Variants in FLRT2 observed in about 807,000 individuals in gnomAD.
The protein encoded by FLRT2 is leucine-rich repeat transmembrane protein FLRT2.
A neutral mutation model predicts 40.0 loss-of-function variants in FLRT2; 15 were observed. The ratio of observed to expected loss-of-function variants is 0.38; its 90% CI spans 0.25 to 0.58. The LOEUF (loss-of-function observed/expected upper bound fraction) is 0.58. Among genes scored for constraint, FLRT2 ranks in the 20% least tolerant of loss-of-function variants. The pLI, the probability that FLRT2 is intolerant of heterozygous loss-of-function variation, is 0.71. For missense variants in FLRT2, 726 were observed against 840.0 expected (o/e 0.86, Z 1.68); for synonymous variants, 380 against 336.8 (o/e 1.13, Z -1.41).
chr14:85,599,219 C>CTT lies in FLRT2; in HGVS notation c.-376-21900_-376-21899dup, dbSNP rs67876387. 1.7e-3 allele frequency among the ~76,000 whole-genome samples: 224 copies of CTT among 129,288 alleles called. 3 individuals carry two copies. Among genetic ancestry groups the CTT allele is most frequent in the African/African-American group, 5.8e-3 (200 of 34,452 alleles). The allele number at this position is 129,288 out of a possible 152,430, so 84.8% of individuals were successfully genotyped here. ...ACAGGCGTGAGCCGCTGCGCCTGGC[C>CTT]TTTTTTTTTTTTTTTTTTTTTCAAG... On this transcript the variant is annotated intron_variant, in intron 1 of 1. Coordinates refer to ENST00000330753, the MANE Select transcript of FLRT2 (RefSeq NM_013231.6).
chr14:85,616,078 C>T, intron 1 of FLRT2, among the ~76,000 whole-genome samples: 1 of 152,246 alleles, frequency 6.6e-6, no homozygotes, highest in East Asian at 1.9e-4. Flanking sequence ...CCTGGAATAG[C>T]TGCTGGTTTT....
At chr14:85,537,613 C>G (rs1477788611) in intron 1 of FLRT2, among the ~76,000 whole-genome samples, 1 of 152,082 alleles carries the variant, frequency 6.6e-6, no homozygotes, top group East Asian at 1.9e-4. Flanking sequence ...CACACACACA[C>G]ACACAACACA....
intron 1 of FLRT2, among the ~76,000 whole-genome samples, chr14:85,577,768 A>G (rs116388644): frequency 6.6e-6 from 1 of 151,922 alleles, no homozygotes; most frequent in Non-Finnish European, 1.5e-5. Context: ...TTTTGTAGAC[A>G]TGGAGTCTCA....
chr14:85,596,854 G>A lies in FLRT2; in HGVS notation c.-376-24285G>A, dbSNP rs78502011. ...AATGAGAATACTGAGCTGGGAGAGA[G>A]CATATGGCCTTAACGATTTGATTCT... On this transcript the variant is annotated intron_variant, in intron 1 of 1. Transcript: ENST00000330753. Among the ~76,000 whole-genome samples, 246 of 152,234 alleles carry A rather than the reference G, an allele frequency of 1.6e-3. 2 individuals carry two copies. The highest frequency in any genetic ancestry group is 5.7e-3 in the African/African-American group (237 of 41,530).
chr14:85,567,558 A>C (rs1267629559), intron 1 of FLRT2, among the ~76,000 whole-genome samples: 1 of 150,334 alleles, frequency 6.7e-6, no homozygotes, highest in Non-Finnish European at 1.5e-5. Context: ...ACCTGCTGTT[A>C]GGGTGTTTGT....
intron 1 of FLRT2, among the ~76,000 whole-genome samples, chr14:85,536,250 T>C (rs920909199): frequency 6.6e-6 from 1 of 152,076 alleles, no homozygotes; most frequent in Non-Finnish European, 1.5e-5. Flanking sequence ...GAAGCTGTGG[T>C]TTTAAGAAAG....
chr14:85,606,179 G>T (rs1335348972), intron 1 of FLRT2, among the ~76,000 whole-genome samples: 1 of 152,174 alleles, frequency 6.6e-6, no homozygotes, highest in Non-Finnish European at 1.5e-5. Flanking sequence ...CTCTTGGTGA[G>T]CGCACAGCTC....
intron 1 of FLRT2, among the ~76,000 whole-genome samples, chr14:85,558,809 T>C (rs1216750912): frequency 6.6e-6 from 1 of 152,210 alleles, no homozygotes; most frequent in African/African-American, 2.4e-5. Context: ...CATGCATATT[T>C]GACATGGTTT....
intron 1 of FLRT2, among the ~76,000 whole-genome samples, chr14:85,544,134 C>A (rs1440584198): frequency 1.3e-5 from 2 of 152,118 alleles, no homozygotes; most frequent in Non-Finnish European, 2.9e-5. Flanking sequence ...AGATTGATTA[C>A]CCAGTGGAGG....
chr14:85,571,338 G>T (rs1276473256), intron 1 of FLRT2, among the ~76,000 whole-genome samples: 1 of 152,140 alleles, frequency 6.6e-6, no homozygotes, highest in African/African-American at 2.4e-5. Flanking sequence ...AAGTTGTGGG[G>T]TGGGGAGAAT....
intron 1 of FLRT2, among the ~76,000 whole-genome samples, chr14:85,602,788 G>T (rs1483066750): frequency 1.3e-5 from 2 of 152,130 alleles, no homozygotes; most frequent in Non-Finnish European, 2.9e-5. Flanking sequence ...TTGTGTAGGG[G>T]ACCCTTCATT....
rs1893922253 is a variant in FLRT2, at chr14:85,633,096, T to C, written c.*9599T>C. 1 of 152,222 alleles carries C rather than the reference T, an allele frequency of 6.6e-6. No homozygotes were observed. Among genetic ancestry groups the C allele is most frequent in the African/African-American group, 2.4e-5 (1 of 41,446 alleles). The allele number at this position is 152,222 out of a possible 1,614,324, so 9.4% of individuals were successfully genotyped here. A position where few individuals can be genotyped will look rare whatever the true frequency, so the allele number is the denominator to read the frequency against. On this transcript the variant is annotated 3_prime_UTR_variant, in exon 2 of 2. Transcript: ENST00000330753. ...CTTTTTATGATGAAAATCAAATTTCTTGTGTATTGGGGTAAGAATTACATG... is the reference window on the plus strand; with the variant it reads ...CTTTTTATGATGAAAATCAAATTTCCTGTGTATTGGGGTAAGAATTACATG...
At chr14:85,620,957 T>G (rs1451610039) in intron 1 of FLRT2, among the ~76,000 whole-genome samples, 182 bp from the exon 2 acceptor site, 1 of 152,244 alleles carries the variant, frequency 6.6e-6, no homozygotes, top group Admixed American at 6.5e-5. Flanking sequence ...GATACTATAT[T>G]AATTATTTCT....
At chr14:85,550,325 C>A (rs1025766093) in intron 1 of FLRT2, among the ~76,000 whole-genome samples, 3 of 152,078 alleles carry the variant, frequency 2.0e-5, no homozygotes, top group African/African-American at 7.2e-5. Flanking sequence ...AGCATTTACT[C>A]TTAGAAAACC....
rs191321700 is a variant in FLRT2 at position 85,567,242 on chromosome 14, G to A, written c.-377+36708G>A. Among the ~76,000 whole-genome samples, 56 of 152,230 alleles carry A rather than the reference G, an allele frequency of 3.7e-4. 1 individual carries two copies. The highest frequency in any genetic ancestry group is 2.8e-3 in the Admixed American group (43 of 15,296). ...TCCCATGGACACTGGACAGTTTCCTGAACGCTGTGGTTTCCCCATCCCTGG... is the reference window on the plus strand; with the variant it reads ...TCCCATGGACACTGGACAGTTTCCTAAACGCTGTGGTTTCCCCATCCCTGG... On this transcript the variant is annotated intron_variant, in intron 1 of 1. Coordinates refer to ENST00000330753, the MANE Select transcript of FLRT2 (RefSeq NM_013231.6).
chr14:85,568,912 C>T (rs899859073), intron 1 of FLRT2, among the ~76,000 whole-genome samples: 2 of 150,068 alleles, frequency 1.3e-5, no homozygotes, highest in Admixed American at 6.7e-5. Context: ...CTGCCTCTCA[C>T]TCATTCCGTC....
At chr14:85,552,173 G>A (rs1056595982) in intron 1 of FLRT2, among the ~76,000 whole-genome samples, 3 of 152,152 alleles carry the variant, frequency 2.0e-5, no homozygotes, top group Non-Finnish European at 2.9e-5. Context: ...ACAAGGCCGG[G>A]CAGTTCTAGT....
chr14:85,568,383 A>T (rs1193241971), intron 1 of FLRT2, among the ~76,000 whole-genome samples: 2 of 152,176 alleles, frequency 1.3e-5, no homozygotes, highest in Non-Finnish European at 2.9e-5. Flanking sequence ...CATGGAAATC[A>T]TAAAATGATT....
chr14:85,539,474 T>C (rs924782575), intron 1 of FLRT2, among the ~76,000 whole-genome samples: 2 of 152,156 alleles, frequency 1.3e-5, no homozygotes, highest in African/African-American at 2.4e-5. Context: ...CTGTTCTGAA[T>C]GAGTATAATC....
Sources: gnomAD v4.1 joint callset for allele counts (sites outside exome capture counted in the v4.1 genomes callset) on GRCh38, gnomAD v4.1.1 for gene constraint, MANE v1.5 for transcripts, NCBI Gene and HGNC (gene_info 2026-07-23, HGNC 2026-07-21) for gene names.